Variants in ATP2B2 observed in about 807,000 individuals in gnomAD.
ATP2B2 encodes ATPase plasma membrane Ca2+ transporting 2.
ATP2B2 carries 15 observed loss-of-function variants against 120.0 expected under a neutral mutation model. The observed-to-expected ratio is 0.12, with a 90% CI of 0.08 to 0.19. The LOEUF is 0.19. Ranked by LOEUF, ATP2B2 falls within the 10% of genes least tolerant of loss-of-function variation. The pLI, the probability that ATP2B2 is intolerant of heterozygous loss-of-function variation, is 1.00. For synonymous variants in ATP2B2, 694 were observed against 700.3 expected, an observed-to-expected ratio of 0.99 and a Z score of 0.14; for missense variants, 1,045 against 1,719.8, an observed-to-expected ratio of 0.61 and a Z score of 6.94.
intron 1 of ATP2B2, among the ~76,000 whole-genome samples, chr3:10,661,741 A>G (rs941506080): frequency 1.3e-5 from 2 of 152,250 alleles, no homozygotes; most frequent in African/African-American, 4.8e-5. Context: ...CAGAATTGGA[A>G]AAAACTACTT....
rs147119885 is a variant in ATP2B2, at chr3:10,522,533, G to A, written c.-320+11506C>T. ...TTCTGCTGAAGCCAGTGTTGGACTT[G>A]TTAGCTGGAGAAAGGAGATGTGTTT... On this transcript the variant is annotated intron_variant, in intron 3 of 21. Transcript: ENST00000646379. Among the ~76,000 whole-genome samples the A allele has an allele frequency of 3.7e-3, 571 of 152,334 alleles. 2 individuals are homozygous for A. Among genetic ancestry groups the A allele is most frequent in the Non-Finnish European group, 4.8e-3 (325 of 68,034 alleles).
intron 1 of ATP2B2, among the ~76,000 whole-genome samples, chr3:10,468,712 G>A (rs931233556): frequency 2.0e-5 from 3 of 152,214 alleles, no homozygotes; most frequent in South Asian, 2.1e-4. Context: ...TGGGACCAGG[G>A]TGAGGCCAGT....
intron 2 of ATP2B2, among the ~76,000 whole-genome samples, chr3:10,586,570 C>T (rs1485184301): frequency 6.6e-6 from 1 of 152,148 alleles, no homozygotes; most frequent in Non-Finnish European, 1.5e-5. Context: ...GTCTGTCTCC[C>T]CAGGGGGAGA....
At chr3:10,417,200 G>T (rs965004304) in intron 2 of ATP2B2, among the ~76,000 whole-genome samples, 4 of 152,026 alleles carry the variant, frequency 2.6e-5, no homozygotes, top group Admixed American at 1.3e-4. Flanking sequence ...GCAAAAGCTG[G>T]GCAGAGGCGC....
At chr3:10,652,259 C>T (rs552505587) in intron 1 of ATP2B2, among the ~76,000 whole-genome samples, 4 of 152,248 alleles carry the variant, frequency 2.6e-5, no homozygotes, top group East Asian at 3.9e-4. Flanking sequence ...GGGGCAGACA[C>T]CTGGGCCATC....
chr3:10,566,914 T>C (rs2068021463), intron 2 of ATP2B2, among the ~76,000 whole-genome samples: 1 of 152,242 alleles, frequency 6.6e-6, no homozygotes, highest in African/African-American at 2.4e-5. Flanking sequence ...GGTTCTGGGT[T>C]CAGATACGTA....
intron 2 of ATP2B2, among the ~76,000 whole-genome samples, chr3:10,613,973 C>A (rs1228619853): frequency 6.6e-6 from 1 of 152,046 alleles, no homozygotes; most frequent in Non-Finnish European, 1.5e-5. Flanking sequence ...TTTTGCTTGT[C>A]CCTTTCCCTG....
rs2071277960 is a variant in ATP2B2, at chr3:10,677,653, CCT to C, written c.-460+30260_-460+30261del. Among the ~76,000 whole-genome samples, 7 of 152,138 alleles carry C rather than the reference CCT, an allele frequency of 4.6e-5. No homozygotes were observed. In the South Asian group the frequency reaches 1.5e-3, roughly 32 times the overall value. The stretch of plus-strand genomic sequence containing the variant: ...TTTGATGGGGAGGGAGTCTATGGGA[CCT>C]CTCTCCTATGCCTTCCTTTCAATTT... On this transcript the variant is annotated intron_variant, in intron 1 of 21. Transcript: ENST00000646379.
chr3:10,530,494 G>A (rs1031497630), intron 3 of ATP2B2, among the ~76,000 whole-genome samples: 3 of 152,186 alleles, frequency 2.0e-5, no homozygotes, highest in African/African-American at 4.8e-5. Context: ...TGGCTCTGAC[G>A]AGTGGTTACC....
intron 2 of ATP2B2, among the ~76,000 whole-genome samples, chr3:10,535,385 ATGTGTGTGTGTGTGTGTG>A (rs34707434): frequency 1.4e-5 from 2 of 147,064 alleles, no homozygotes; most frequent in African/African-American, 5.0e-5. Context: ...CAGCAGTTTG[ATGTGTGTGTGTGTGTGTG>A]TGTGTGTGTG....
At chr3:10,379,194 G>C (rs377379720) in intron 9 of ATP2B2, 49 bp downstream of exon 9, 1 of 1,593,540 alleles carries the variant, frequency 6.3e-7, no homozygotes, top group Non-Finnish European at 8.6e-7. Flanking sequence ...CAGAGCCGGT[G>C]GGGAGGGGCC....
chr3:10,548,353 G>C (rs953739486), intron 2 of ATP2B2, among the ~76,000 whole-genome samples: 4 of 152,214 alleles, frequency 2.6e-5, no homozygotes, highest in Non-Finnish European at 5.9e-5. Flanking sequence ...AAGCTGGTTT[G>C]ATACCACACA....
intron 5 of ATP2B2, among the ~76,000 whole-genome samples, chr3:10,390,606 A>G (rs2061820719): frequency 6.6e-6 from 1 of 152,038 alleles, no homozygotes; most frequent in African/African-American, 2.4e-5. Context: ...CTCTCCAGTG[A>G]TTCCTTTCAG....
At position 10,410,728 on chromosome 3, in the gene ATP2B2, A is replaced by G. The variant is rs1413724494; in HGVS notation, c.287T>C (p.Leu96Pro). The change falls in exon 3 of 23, where the codon CTG becomes CCG. Residue 96 changes from leucine (L) to proline (P), a missense_variant. Physicochemically the swap from Leu to Pro is moderately conservative, Grantham distance 98 (BLOSUM62 -3). Coordinates refer to ENST00000360273, the MANE Select transcript of ATP2B2 (RefSeq NM_001001331.4). ...CTGCAGCGCCTCCCACACGAGCTGC[A>G]GGAAGGTTTTTGGCTTCTTTGGAGG... ...FIPPKKPKTF[L>P]QLVWEALQDV... 1 of 1,614,232 alleles carries G rather than the reference A, an allele frequency of 6.2e-7. No individual in the cohort carries two copies. Among genetic ancestry groups the G allele is most frequent in the South Asian group, 1.1e-5 (1 of 91,080 alleles).
intron 2 of ATP2B2, among the ~76,000 whole-genome samples, chr3:10,555,623 A>G (rs2067762137): frequency 6.6e-6 from 1 of 152,164 alleles, no homozygotes; most frequent in South Asian, 2.1e-4. Context: ...GTGATTCTTG[A>G]CTAGTTATGC....
chr3:10,336,564 G>A (rs1391076083), intron 22 of ATP2B2, among the ~76,000 whole-genome samples: 1 of 152,160 alleles, frequency 6.6e-6, no homozygotes, highest in Non-Finnish European at 1.5e-5. Flanking sequence ...CCAGTGGGCT[G>A]GCCAGTGGGG....
intron 1 of ATP2B2, among the ~76,000 whole-genome samples, chr3:10,655,023 C>T (rs1383119908): frequency 6.6e-6 from 1 of 152,138 alleles, no homozygotes; most frequent in Non-Finnish European, 1.5e-5. Flanking sequence ...TTTAAAAATG[C>T]CAGAAGAGCA....
At chr3:10,444,544 G>C (rs1352159206) in intron 2 of ATP2B2, among the ~76,000 whole-genome samples, 6 of 152,176 alleles carry the variant, frequency 3.9e-5, no homozygotes, top group Non-Finnish European at 8.8e-5. Context: ...ATTAACCGGA[G>C]GTTCCGTTTC....
intron 1 of ATP2B2, among the ~76,000 whole-genome samples, chr3:10,488,690 A>C (rs1408844029): frequency 2.0e-5 from 3 of 151,962 alleles, no homozygotes; most frequent in Non-Finnish European, 4.4e-5. Context: ...CTCCTTGCAA[A>C]TCCTGTCTGC....
Sources: allele counts gnomAD v4.1 joint callset (sites outside exome capture counted in the v4.1 genomes callset), GRCh38; gene constraint gnomAD v4.1.1; transcripts MANE v1.5; gene names NCBI Gene and HGNC (gene_info 2026-07-23, HGNC 2026-07-21).